The following CNTN5 variants were observed in gnomAD, a reference collection of about 807,000 sequenced individuals.
The protein encoded by CNTN5 is contactin-5.
Under a neutral mutation model 129.1 loss-of-function variants are expected in CNTN5, and 77 were observed. The ratio of observed to expected loss-of-function variants is 0.60; its 90% confidence interval spans 0.50 to 0.72. The LOEUF is 0.72. CNTN5 is among the 30% of genes least tolerant of loss of function. The pLI is 0.00. For synonymous variants in CNTN5, 509 were observed against 465.6 expected (o/e 1.09, Z -1.20); for missense variants, 1,478 against 1,328.8 (o/e 1.11, Z -1.75).
At position 99,250,917 on chromosome 11, in the gene CNTN5, G is replaced by A. The variant is rs1239312229; in HGVS notation, c.-209-74429G>A. ...GTGGTCTGAAGAAACAGAATTTGAGGCACTAAAATTTGTTCATATGGTTAT... is the reference window on the plus strand; with the variant it reads ...GTGGTCTGAAGAAACAGAATTTGAGACACTAAAATTTGTTCATATGGTTAT... On this transcript the variant is annotated intron_variant, in intron 1 of 24. Transcript: ENST00000524871. 2.0e-5 allele frequency among the ~76,000 whole-genome samples: 3 copies of A among 151,796 alleles called. No homozygotes were observed. The East Asian group carries it at 5.8e-4, about 29-fold the overall frequency.
chr11:99,151,593 A>AAATGTATATC (rs1860060409), intron 1 of CNTN5, among the ~76,000 whole-genome samples: 2 of 152,204 alleles, frequency 1.3e-5, no homozygotes, highest in Non-Finnish European at 2.9e-5. Flanking sequence ...TATATCAAGA[A>AAATGTATATC]AAGGAAATGA....
chr11:100,099,174 A>G (rs1162511952), intron 13 of CNTN5, among the ~76,000 whole-genome samples: 1 of 152,122 alleles, frequency 6.6e-6, no homozygotes, highest in African/African-American at 2.4e-5. Flanking sequence ...ACATAAAAAC[A>G]GTGAGGCCCA....
At chr11:99,032,537 A>G (rs907213058) in intron 1 of CNTN5, among the ~76,000 whole-genome samples, 1 of 151,454 alleles carries the variant, frequency 6.6e-6, no homozygotes, top group Non-Finnish European at 1.5e-5. Context: ...GCATTTTTTC[A>G]TGTGTTTTTT....
At chr11:99,593,048 T>A (rs956432967) in intron 3 of CNTN5, among the ~76,000 whole-genome samples, 2 of 152,182 alleles carry the variant, frequency 1.3e-5, no homozygotes, top group Non-Finnish European at 2.9e-5. Context: ...AATAGATTTT[T>A]AGCAAGAATG....
chr11:99,709,704 T>A (rs553993613), intron 3 of CNTN5, among the ~76,000 whole-genome samples: 1 of 151,956 alleles, frequency 6.6e-6, no homozygotes, highest in Non-Finnish European at 1.5e-5. Flanking sequence ...ATGTTTTGGG[T>A]AAATTTTAAT....
chr11:99,914,830 C>A (rs561179648), intron 6 of CNTN5, among the ~76,000 whole-genome samples: 1 of 152,042 alleles, frequency 6.6e-6, no homozygotes, highest in African/African-American at 2.4e-5. Flanking sequence ...ATACATTCAG[C>A]AAAATAATTA....
intron 9 of CNTN5, among the ~76,000 whole-genome samples, chr11:100,023,910 A>T (rs558582582): frequency 6.6e-6 from 1 of 152,226 alleles, no homozygotes; most frequent in African/African-American, 2.4e-5. Context: ...CTATTCAGCT[A>T]CTAAAGGACT....
chr11:100,048,243 G>C (rs1160666314), intron 9 of CNTN5, among the ~76,000 whole-genome samples: 1 of 152,066 alleles, frequency 6.6e-6, no homozygotes, highest in Non-Finnish European at 1.5e-5. Context: ...TAGACTTGAG[G>C]GCTTACATCA....
intron 4 of CNTN5, among the ~76,000 whole-genome samples, chr11:99,833,639 T>C (rs1234812574): frequency 6.6e-6 from 1 of 152,124 alleles, no homozygotes; most frequent in Admixed American, 6.5e-5. Flanking sequence ...TAGGAATACG[T>C]TTGTTGAGGT....
At chr11:100,343,124 G>C (rs571453258) in intron 23 of CNTN5, among the ~76,000 whole-genome samples, 1 of 152,108 alleles carries the variant, frequency 6.6e-6, no homozygotes. Context: ...GAAACTGATC[G>C]TTAAAAGTTG....
chr11:100,029,005 T>A (rs1941568134), intron 9 of CNTN5, among the ~76,000 whole-genome samples: 1 of 152,116 alleles, frequency 6.6e-6, no homozygotes, highest in African/African-American at 2.4e-5. Flanking sequence ...ACTAAGAAAA[T>A]GCCCGGAGGC....
intron 21 of CNTN5, among the ~76,000 whole-genome samples, chr11:100,332,335 G>A (rs138506440): frequency 0.011 from 1,667 of 151,714 alleles, 28 homozygotes; most frequent in African/African-American, 0.039. Context: ...GATTAAAATG[G>A]TTATTTAAAA....
chr11:99,207,637 A>G (rs1482232222), intron 1 of CNTN5, among the ~76,000 whole-genome samples: 1 of 152,170 alleles, frequency 6.6e-6, no homozygotes, highest in East Asian at 1.9e-4. Flanking sequence ...CTATACTTTG[A>G]TAACGAATAC....
intron 21 of CNTN5, among the ~76,000 whole-genome samples, chr11:100,332,845 T>C (rs1229413771): frequency 6.6e-6 from 1 of 151,982 alleles, no homozygotes; most frequent in African/African-American, 2.4e-5. Flanking sequence ...ATATTATAAA[T>C]GGGGAAAACT....
At chr11:99,886,457 G>T (rs1948904052) in intron 6 of CNTN5, among the ~76,000 whole-genome samples, 1 of 152,026 alleles carries the variant, frequency 6.6e-6, no homozygotes. Context: ...TAAATAGAAA[G>T]ATTCAAAGTA....
chr11:99,943,306 A>G (rs929861432), intron 7 of CNTN5, among the ~76,000 whole-genome samples: 7 of 151,808 alleles, frequency 4.6e-5, no homozygotes, highest in Non-Finnish European at 1.5e-5. Context: ...GCTTTTTTTC[A>G]TATGTTTGTT....
At chr11:99,691,415 G>T (rs538489887) in intron 3 of CNTN5, among the ~76,000 whole-genome samples, 6 of 151,876 alleles carry the variant, frequency 4.0e-5, no homozygotes, top group African/African-American at 1.2e-4. Context: ...TAACACTGTG[G>T]TAGCTGTGTC....
intron 2 of CNTN5, among the ~76,000 whole-genome samples, chr11:99,461,749 T>G (rs994311373): frequency 6.6e-6 from 1 of 152,158 alleles, no homozygotes; most frequent in Non-Finnish European, 1.5e-5. Context: ...TAAACTCTTT[T>G]CCATGTCTGA....
At chr11:99,023,888 ATC>A (rs1409697575) in intron 1 of CNTN5, among the ~76,000 whole-genome samples, 4 of 152,166 alleles carry the variant, frequency 2.6e-5, no homozygotes, top group African/African-American at 9.7e-5. Context: ...AGTTGATTTT[ATC>A]TCTCTTTCTT....
Sources: allele counts gnomAD v4.1 joint callset (sites outside exome capture counted in the v4.1 genomes callset), GRCh38; gene constraint gnomAD v4.1.1; transcripts MANE v1.5; gene names NCBI Gene and HGNC (gene_info 2026-07-23, HGNC 2026-07-21).